SLC7A2: variants seen among roughly 807,000 people sequenced by gnomAD.
The protein encoded by SLC7A2 is solute carrier family 7 member 2.
Under a neutral mutation model 58.9 loss-of-function variants are expected in SLC7A2, and 48 were observed. The observed-to-expected ratio is 0.82, with a 90% CI of 0.65 to 1.04. The LOEUF is 1.04. SLC7A2 is among the 50% of genes least tolerant of loss of function. The pLI is 0.00. For synonymous variants in SLC7A2, 363 were observed against 314.5 expected, an observed-to-expected ratio of 1.15 and a Z score of -1.63; for missense variants, 1,029 against 818.8, an observed-to-expected ratio of 1.26 and a Z score of -3.13.
In SLC7A2 at chr8:17,565,494, A is replaced by G. The variant is rs1356896971; in HGVS notation, c.*348A>G. ...GTTACATTTTTCCAGTGTCGTCATT[A>G]ATCGGTGGCATATACTGCACATACT... is the stretch of plus-strand genomic sequence containing the variant. On this transcript the variant is annotated 3_prime_UTR_variant, in exon 13 of 13. Transcript: ENST00000494857. 2 of 199,580 alleles carry G rather than the reference A, an allele frequency of 1.0e-5. No individual in the cohort carries two copies. The highest frequency in any genetic ancestry group is 4.7e-5 in the African/African-American group (2 of 43,008). 12.4% of individuals were successfully genotyped at this position (199,580 alleles called of 1,614,324 possible).
chr8:17,555,604 C>T lies in SLC7A2; in HGVS notation c.1195+905C>T, dbSNP rs560985088. ...ATTTATGCTTGGCCCTTGTGATCGC[C>T]ATCCTCAGTATGGTGGGCATCCTTG... On this transcript the variant is annotated intron_variant, in intron 8 of 12. Coordinates refer to ENST00000494857, the MANE Select transcript of SLC7A2 (RefSeq NM_001370338.1). 2.6e-5 allele frequency among the ~76,000 whole-genome samples: 4 copies of T among 151,870 alleles called. No individual in the cohort carries two copies. In the East Asian group the frequency reaches 5.8e-4, roughly 22 times the overall value.
At chr8:17,540,719 T>C (rs1451215111) in intron 2 of SLC7A2, among the ~76,000 whole-genome samples, 2 of 152,134 alleles carry the variant, frequency 1.3e-5, no homozygotes, top group Non-Finnish European at 2.9e-5. Flanking sequence ...GGAGGTTTGT[T>C]TATTGGTCGA....
rs190028015 is a variant in SLC7A2 at position 17,569,049 on chromosome 8, A to G, written c.*3903A>G. The G allele has an allele frequency of 4.6e-5, 7 of 152,360 alleles. No homozygotes were observed. The highest frequency in any genetic ancestry group is 7.3e-5 in the Non-Finnish European group (5 of 68,034). 9.4% of individuals were successfully genotyped at this position (152,360 alleles called of 1,614,324 possible). On this transcript the variant is annotated 3_prime_UTR_variant, in exon 13 of 13. Transcript: ENST00000494857. ...TTTATTTAAATGCTTAGCAGGAAGC[A>G]TAAGGAAAAGCCATCGGCCTCCAAT...
intron 1 of SLC7A2, among the ~76,000 whole-genome samples, chr8:17,501,345 G>A (rs1056004745): frequency 6.6e-6 from 1 of 152,124 alleles, no homozygotes; most frequent in Non-Finnish European, 1.5e-5. Flanking sequence ...AAATATTTCT[G>A]AGAAAGGCCT....
chr8:17,518,028 T>C (rs1941107407), intron 2 of SLC7A2, among the ~76,000 whole-genome samples: 1 of 152,110 alleles, frequency 6.6e-6, no homozygotes, highest in Admixed American at 6.6e-5. Context: ...GTTGTGAGGG[T>C]TAAATAAAGT....
At chr8:17,537,028 C>G (rs990424647) in intron 2 of SLC7A2, among the ~76,000 whole-genome samples, 1 of 152,152 alleles carries the variant, frequency 6.6e-6, no homozygotes, top group African/African-American at 2.4e-5. Flanking sequence ...AGACTGTCCT[C>G]CTCTGAATGA....
In SLC7A2 at chr8:17,555,173, A is replaced by AG. The variant is rs1802636409; in HGVS notation, c.1195+474_1195+475insG. ...TATAAAGAGGGTCTGCATGCTGTGC[A>AG]TGTAAGTTAAAAAAAACAAAATCAC... On this transcript the variant is annotated intron_variant, in intron 8 of 12. Transcript: ENST00000494857. 16 of 1,187,486 alleles carry AG rather than the reference A, an allele frequency of 1.3e-5. No homozygotes were observed. The Middle Eastern group carries it at 8.1e-4, about 60-fold the overall frequency. 73.6% of individuals were successfully genotyped at this position (1,187,486 alleles called of 1,614,324 possible).
In SLC7A2 at chr8:17,562,080, G is replaced by A. The variant is rs1182459136; in HGVS notation, c.1641G>A (p.Gln547=). 1.9e-6 allele frequency: 3 copies of A among 1,613,142 alleles called. No individual in the cohort carries two copies. In the South Asian group the frequency reaches 3.3e-5, roughly 18 times the overall value. The change falls in exon 11 of 13, where the codon CAG becomes CAA. Residue 547 remains glutamine, a synonymous_variant. Transcript: ENST00000494857. ...CCATCGTTCTCACCATCTGGAGGCA[G>A]CCCCAGAATCAGCAAAAAGTAGCCT... The part of the protein sequence containing the change: ...FVAIVLTIWR[Q]PQNQQKVAFM...
chr8:17,554,927 T>A (rs1168627023), intron 8 of SLC7A2: 1 of 1,613,358 alleles, frequency 6.2e-7, no homozygotes, highest in South Asian at 1.1e-5. Context: ...TGTGTGGATT[T>A]TGAATTTTTC....
At chr8:17,559,482 C>G (rs1802859845) in intron 9 of SLC7A2, among the ~76,000 whole-genome samples, 1 of 152,134 alleles carries the variant, frequency 6.6e-6, no homozygotes, top group Non-Finnish European at 1.5e-5. Flanking sequence ...AGGAGAATCA[C>G]TTGAACCCAG....
Position 17,562,067 on chromosome 8 carries a change from C to A in SLC7A2, c.1628C>A (p.Thr543Asn). Residue 543 changes from threonine (T) to asparagine (N), a missense_variant, in exon 11 of 13, where the codon ACC (threonine) becomes AAC (asparagine). Coordinates refer to ENST00000494857, the MANE Select transcript of SLC7A2 (RefSeq NM_001370338.1). ...GTTCTCTTCGTTGCCATCGTTCTCA[C>A]CATCTGGAGGCAGCCCCAGAATCAG... is the stretch of plus-strand genomic sequence containing the variant. ...FLVLFVAIVL[T>N]IWRQPQNQQK... 6.2e-7 allele frequency: 1 copy of A among 1,613,936 alleles called. No homozygotes were observed. The highest frequency in any genetic ancestry group is 8.5e-7 in the Non-Finnish European group (1 of 1,179,992).
chr8:17,560,814 T>C (rs1055981279), intron 10 of SLC7A2, among the ~76,000 whole-genome samples: 6 of 152,206 alleles, frequency 3.9e-5, no homozygotes, highest in Non-Finnish European at 8.8e-5. Context: ...GGATGCCCTC[T>C]GGGTGAAAGC....
chr8:17,563,746 T>C, intron 12 of SLC7A2, 35 bp downstream of exon 12: 1 of 1,255,868 alleles, frequency 8.0e-7, no homozygotes, highest in Non-Finnish European at 1.2e-6. Context: ...CTTTCCTATT[T>C]CATGTGCTGT....
chr8:17,562,333 G>A (rs1214171519), intron 11 of SLC7A2, among the ~76,000 whole-genome samples: 1 of 151,528 alleles, frequency 6.6e-6, no homozygotes, highest in Non-Finnish European at 1.5e-5. Context: ...GGACTCCCCA[G>A]TAGCTGGATC....
chr8:17,516,024 T>C (rs936234982), intron 2 of SLC7A2, among the ~76,000 whole-genome samples: 1 of 152,170 alleles, frequency 6.6e-6, no homozygotes, highest in Non-Finnish European at 1.5e-5. Flanking sequence ...ATTGCCTTCC[T>C]ACATCTTGCC....
chr8:17,546,693 T>A (rs1055584281), intron 4 of SLC7A2, among the ~76,000 whole-genome samples: 2 of 152,180 alleles, frequency 1.3e-5, no homozygotes, highest in Non-Finnish European at 2.9e-5. Context: ...ATTCTAGGAA[T>A]TACACAGGTA....
In SLC7A2 at chr8:17,558,846, T is replaced by C. The variant is rs78119763; in HGVS notation, c.1298+449T>C. ...ATGAGGCTACATTTGTTCACTGAAC[T>C]CTTCTACAGCAAATAAAATGGTATT... On this transcript the variant is annotated intron_variant, in intron 9 of 12. Coordinates refer to ENST00000494857, the MANE Select transcript of SLC7A2 (RefSeq NM_001370338.1). 2.2e-3 allele frequency among the ~76,000 whole-genome samples: 331 copies of C among 152,324 alleles called. 1 individual carries two copies. Among genetic ancestry groups the C allele is most frequent in the African/African-American group, 7.6e-3 (317 of 41,566 alleles).
intron 11 of SLC7A2, among the ~76,000 whole-genome samples, chr8:17,563,004 G>GT (rs986362714): frequency 6.6e-6 from 1 of 152,134 alleles, no homozygotes; most frequent in Non-Finnish European, 1.5e-5. Flanking sequence ...TTAGCTGCGT[G>GT]TAGTGGCTCA....
chr8:17,496,873 G>C (rs1305043734), upstream of SLC7A2, among the ~76,000 whole-genome samples: 1 of 151,902 alleles, frequency 6.6e-6, no homozygotes, highest in African/African-American at 2.4e-5. Context: ...CCTAGCCCGG[G>C]GCTAGCGCCC....
Sources: allele counts gnomAD v4.1 joint callset (sites outside exome capture counted in the v4.1 genomes callset), GRCh38; gene constraint gnomAD v4.1.1; transcripts MANE v1.5; gene names NCBI Gene and HGNC (gene_info 2026-07-23, HGNC 2026-07-21).